Variants in REEP5 observed in about 807,000 individuals in gnomAD.
REEP5 encodes receptor accessory protein 5.
Under a neutral mutation model 22.4 loss-of-function variants are expected in REEP5, and 24 were observed. The ratio of observed to expected loss-of-function variants is 1.07; its 90% CI spans 0.78 to 1.51. The LOEUF is 1.51. Among genes scored for constraint, REEP5 ranks in the 40% most tolerant of loss-of-function variants. The pLI is 0.00. For missense variants in REEP5, 252 were observed against 233.0 expected (o/e 1.08, Z -0.53); for synonymous variants, 103 against 88.6 (o/e 1.16, Z -0.92).
rs1309021332 is a variant in REEP5 at position 112,894,638 on chromosome 5, A to T, written c.352-7455T>A. On this transcript the variant is annotated intron_variant, in intron 3 of 4. Coordinates refer to ENST00000379638, the MANE Select transcript of REEP5 (RefSeq NM_005669.5). ...TATTCCTGCACACAGAGCAATTGTT[A>T]CTTACTATATTAACTATTTGGAGAG... 3.3e-5 allele frequency: 5 copies of T among 152,330 alleles called. No homozygotes were observed. The East Asian group carries it at 7.7e-4, about 24-fold the overall frequency. 9.4% of individuals were successfully genotyped at this position (152,330 alleles called of 1,614,324 possible). A position where few individuals can be genotyped will look rare whatever the true frequency, so the allele number is the denominator to read the frequency against.
intron 4 of REEP5, chr5:112,882,069 C>CCTA (rs1218258546): frequency 6.5e-6 from 1 of 153,768 alleles, no homozygotes; most frequent in Non-Finnish European, 1.5e-5. Flanking sequence ...CTGCACCTGA[C>CCTA]CTACTACTCC....
intron 3 of REEP5, chr5:112,894,755 G>A (rs1490502470): frequency 6.6e-6 from 1 of 152,112 alleles, no homozygotes; most frequent in Non-Finnish European, 1.5e-5. Flanking sequence ...TGAATTCGTT[G>A]AGTTTTACAT....
intron 4 of REEP5, among the ~76,000 whole-genome samples, chr5:112,879,079 C>A (rs1767985366): frequency 6.6e-6 from 1 of 152,090 alleles, no homozygotes; most frequent in African/African-American, 2.4e-5. Context: ...AGCCTAGCCC[C>A]TTGTTGTGAC....
At chr5:112,902,959 G>C (rs553368324) in intron 2 of REEP5, among the ~76,000 whole-genome samples, 127 of 152,274 alleles carry the variant, frequency 8.3e-4, no homozygotes, top group Middle Eastern at 3.4e-3. Flanking sequence ...TTCCCATAAA[G>C]CAACATTTGG....
At chr5:112,911,831 T>C (rs1024427938) in intron 2 of REEP5, among the ~76,000 whole-genome samples, 1 of 152,168 alleles carries the variant, frequency 6.6e-6, no homozygotes, top group South Asian at 2.1e-4. Context: ...GAACAAAACT[T>C]TACTGTGTTT....
intron 2 of REEP5, among the ~76,000 whole-genome samples, chr5:112,915,891 A>AC (rs546691830): frequency 4.6e-5 from 7 of 151,594 alleles, no homozygotes; most frequent in Admixed American, 1.3e-4. Context: ...AAAAAAAAAA[A>AC]AAAAAACCCA....
At chr5:112,885,382 G>T in intron 4 of REEP5, 1 of 182,388 alleles carries the variant, frequency 5.5e-6, no homozygotes, top group South Asian at 9.9e-5. Context: ...GAAAATGCAT[G>T]GACTCGTAGT....
chr5:112,878,687 A>G lies in REEP5; in HGVS notation c.*99T>C. The stretch of plus-strand genomic sequence containing the variant: ...CTTTAATATCTCAAAAATGTTTCCA[A>G]GGCAACATTATTAAAATAATTATAC... On this transcript the variant is annotated 3_prime_UTR_variant, in exon 5 of 5. Transcript: ENST00000379638. The G allele has an allele frequency of 6.6e-7, 1 of 1,507,528 alleles. No homozygotes were observed. The highest frequency in any genetic ancestry group is 1.2e-5 in the South Asian group (1 of 81,676). The allele number at this position is 1,507,528 out of a possible 1,614,324, so 93.4% of individuals were successfully genotyped here.
chr5:112,898,266 A>T (rs1768752771), intron 3 of REEP5: 1 of 152,176 alleles, frequency 6.6e-6, no homozygotes, highest in African/African-American at 2.4e-5. Context: ...GTATGCCACT[A>T]ATGTAGGAAG....
chr5:112,914,922 C>G (rs1383810473), intron 2 of REEP5, among the ~76,000 whole-genome samples: 19 of 152,200 alleles, frequency 1.2e-4, no homozygotes, highest in Admixed American at 1.2e-3. Context: ...ATTTCAGCTG[C>G]TACAAAAAGT....
intron 3 of REEP5, among the ~76,000 whole-genome samples, chr5:112,889,827 A>C (rs1302160432): frequency 7.6e-6 from 1 of 131,676 alleles, no homozygotes; most frequent in Admixed American, 7.4e-5. Flanking sequence ...AGGAAAAAAA[A>C]AATTTTTTTT....
In REEP5 at chr5:112,902,409, A is replaced by T; in HGVS notation, c.322T>A (p.Ser108Thr). The T allele has an allele frequency of 1.9e-6, 3 of 1,613,092 alleles. No homozygotes were observed. Among genetic ancestry groups the T allele is most frequent in the Non-Finnish European group, 2.5e-6 (3 of 1,179,716 alleles). Residue 108 changes from serine to threonine, a missense_variant, in exon 3 of 5, where the codon TCA becomes ACA. Transcript: ENST00000379638. ...IAEFFSDIFL[S>T]WFPFYYMLKC... ...AGCATGTAGTAGAAGGGGAACCATG[A>T]CAGGAAGATATCAGAGAAGAATTCA...
intron 2 of REEP5, among the ~76,000 whole-genome samples, chr5:112,916,422 T>G (rs1429476420): frequency 6.6e-6 from 1 of 152,224 alleles, no homozygotes; most frequent in Non-Finnish European, 1.5e-5. Context: ...GGTGGCCTTG[T>G]GCTAGTAAAA....
At chr5:112,914,623 G>A (rs1769191803) in intron 2 of REEP5, among the ~76,000 whole-genome samples, 1 of 152,208 alleles carries the variant, frequency 6.6e-6, no homozygotes, top group Non-Finnish European at 1.5e-5. Flanking sequence ...ATAAGTATCT[G>A]TGTCAGATTG....
At chr5:112,895,615 C>A (rs1459949850) in intron 3 of REEP5, 1 of 152,194 alleles carries the variant, frequency 6.6e-6, no homozygotes, top group Non-Finnish European at 1.5e-5. Flanking sequence ...AAAATAATTA[C>A]TGCTCTCTAG....
rs1224087980 is a variant in REEP5, at chr5:112,921,240, C to CA, written c.134dup (p.Ala46GlyfsTer28). 6.2e-7 allele frequency: 1 copy of CA among 1,614,092 alleles called. No homozygotes were observed. Among genetic ancestry groups the CA allele is most frequent in the Non-Finnish European group, 8.5e-7 (1 of 1,180,018 alleles). On this transcript the variant is annotated frameshift_variant, in exon 2 of 5. Coordinates refer to ENST00000379638, the MANE Select transcript of REEP5 (RefSeq NM_005669.5). LOFTEE classifies it high-confidence loss of function. ...CATAACCGAACACCAGGTACAAGGC[C>CA]ACCAGTCCGATGACACCTGGGGACC... is the stretch of plus-strand genomic sequence containing the variant.
At chr5:112,908,105 T>TG (rs1219576053) in intron 2 of REEP5, among the ~76,000 whole-genome samples, 3 of 147,098 alleles carry the variant, frequency 2.0e-5, no homozygotes, top group Admixed American at 6.7e-5. Flanking sequence ...TTTTTTGTTT[T>TG]TTTTTTTTTT....
chr5:112,886,979 T>C (rs767684305), intron 4 of REEP5, 36 bp downstream of exon 4: 2 of 1,496,372 alleles, frequency 1.3e-6, no homozygotes, highest in East Asian at 4.6e-5. Flanking sequence ...TCACATCTCC[T>C]CTCACATGTG....
At chr5:112,918,586 G>A (rs1045900017) in intron 2 of REEP5, among the ~76,000 whole-genome samples, 5 of 152,174 alleles carry the variant, frequency 3.3e-5, no homozygotes, top group African/African-American at 1.2e-4. Flanking sequence ...TGGCAAGATC[G>A]CGAACTCCTT....
Sources: gnomAD v4.1 joint callset for allele counts (sites outside exome capture counted in the v4.1 genomes callset) on GRCh38, gnomAD v4.1.1 for gene constraint, MANE v1.5 for transcripts, NCBI Gene and HGNC (gene_info 2026-07-23, HGNC 2026-07-21) for gene names.